The following FGF12 variants were observed in gnomAD, a reference collection of about 807,000 sequenced individuals.
FGF12 encodes the protein fibroblast growth factor 12B.
Under a neutral mutation model 23.6 loss-of-function variants are expected in FGF12, and 14 were observed. The ratio of observed to expected loss-of-function variants is 0.59; its 90% CI spans 0.39 to 0.93. FGF12 has a LOEUF of 0.93. Ranked by LOEUF, FGF12 falls within the 40% of genes least tolerant of loss-of-function variation. The probability of loss-of-function intolerance (pLI) is 0.00; values close to 1 mark genes in which losing one functional copy is unlikely to be tolerated. For synonymous variants in FGF12, 62 were observed against 77.3 expected (o/e 0.80, Z 1.04); for missense variants, 175 against 217.8 (o/e 0.80, Z 1.24).
chr3:192,450,459 C>G (rs1213531413), intron 2 of FGF12, among the ~76,000 whole-genome samples: 1 of 152,148 alleles, frequency 6.6e-6, no homozygotes, highest in Non-Finnish European at 1.5e-5. Context: ...TAGAACCGAA[C>G]ATAGGATACC....
At chr3:192,555,798 C>CG (rs1258979519) in intron 2 of FGF12, among the ~76,000 whole-genome samples, 5 of 148,628 alleles carry the variant, frequency 3.4e-5, no homozygotes, top group South Asian at 2.1e-4. Context: ...AACTCCATCT[C>CG]GGGGAAAAAA....
chr3:192,356,085 C>A (rs1718459993), intron 3 of FGF12, among the ~76,000 whole-genome samples: 1 of 152,126 alleles, frequency 6.6e-6, no homozygotes, highest in African/African-American at 2.4e-5. Context: ...ACATACTTAT[C>A]TTACCTATTC....
intron 2 of FGF12, among the ~76,000 whole-genome samples, chr3:192,630,049 G>C (rs1715324450): frequency 6.6e-6 from 1 of 152,108 alleles, no homozygotes; most frequent in Non-Finnish European, 1.5e-5. Flanking sequence ...TCTTATGAAT[G>C]GTTTCACACC....
intron 5 of FGF12, among the ~76,000 whole-genome samples, chr3:192,156,365 GACC>G (rs1714418912): frequency 6.6e-6 from 1 of 152,138 alleles, no homozygotes; most frequent in Non-Finnish European, 1.5e-5. Context: ...TCTCACTCAG[GACC>G]TTGGGGCAAC....
chr3:192,376,373 T>C (rs943128282), intron 2 of FGF12, among the ~76,000 whole-genome samples: 3 of 152,002 alleles, frequency 2.0e-5, no homozygotes, highest in South Asian at 4.1e-4. Context: ...TTTATTTTTA[T>C]TTTTTTGAGA....
At position 192,404,769 on chromosome 3, in the gene FGF12, T is replaced by C. The variant is rs79656778; in HGVS notation, c.14-44231A>G. 1.8e-3 allele frequency among the ~76,000 whole-genome samples: 271 copies of C among 152,288 alleles called. 1 individual carries two copies. The highest frequency in any genetic ancestry group is 6.3e-3 in the African/African-American group (260 of 41,560). On this transcript the variant is annotated intron_variant, in intron 2 of 5. Coordinates refer to ENST00000445105, the MANE Select transcript of FGF12 (RefSeq NM_004113.6). Reference sequence around the variant, plus strand: ...TCAAAGATCTACAGTCCACACAGTGTCTAAGGGGCCCATTAACCCTAGCTG... The same window carrying C: ...TCAAAGATCTACAGTCCACACAGTGCCTAAGGGGCCCATTAACCCTAGCTG...
chr3:192,469,893 A>G (rs1355320305), intron 2 of FGF12, among the ~76,000 whole-genome samples: 1 of 152,234 alleles, frequency 6.6e-6, no homozygotes, highest in Non-Finnish European at 1.5e-5. Context: ...TTTAAAACAC[A>G]CGCCTACATA....
Position 192,330,516 on chromosome 3 carries a change from A to G in FGF12, c.228+4845T>C, listed in dbSNP as rs565510820. Reference sequence around the variant, plus strand: ...GGTGTTGGAAAAACTGTATATCCACATGCAAAAGAATGAAACTGGACCCTT... The same window carrying G: ...GGTGTTGGAAAAACTGTATATCCACGTGCAAAAGAATGAAACTGGACCCTT... On this transcript the variant is annotated intron_variant, in intron 4 of 5. Coordinates refer to ENST00000445105, the MANE Select transcript of FGF12 (RefSeq NM_004113.6). Among the ~76,000 whole-genome samples, 5 of 152,292 alleles carry G rather than the reference A, an allele frequency of 3.3e-5. No individual in the cohort carries two copies. The East Asian group carries it at 9.7e-4, about 29-fold the overall frequency.
At chr3:192,626,378 C>G (rs1411147132) in intron 2 of FGF12, among the ~76,000 whole-genome samples, 3 of 152,116 alleles carry the variant, frequency 2.0e-5, no homozygotes, top group Non-Finnish European at 2.9e-5. Context: ...AGTATACACC[C>G]TATATTTGGG....
intron 2 of FGF12, among the ~76,000 whole-genome samples, chr3:192,682,440 G>T (rs1264003670): frequency 6.6e-6 from 1 of 152,138 alleles, no homozygotes; most frequent in Non-Finnish European, 1.5e-5. Context: ...TAACTAGCTT[G>T]GGAGATTCTC....
intron 4 of FGF12, among the ~76,000 whole-genome samples, chr3:192,266,530 C>T (rs1713088323): frequency 6.6e-6 from 1 of 151,974 alleles, no homozygotes; most frequent in South Asian, 2.1e-4. Context: ...TAATTTATAT[C>T]TTGCTATATT....
intron 4 of FGF12, among the ~76,000 whole-genome samples, chr3:192,298,352 G>A (rs1163290377): frequency 1.3e-5 from 2 of 152,204 alleles, no homozygotes; most frequent in Admixed American, 6.5e-5. Context: ...GAACAGGAAG[G>A]TCGGAGAACA....
intron 2 of FGF12, among the ~76,000 whole-genome samples, chr3:192,420,946 G>C (rs1001183958): frequency 6.6e-6 from 1 of 151,890 alleles, no homozygotes; most frequent in African/African-American, 2.4e-5. Context: ...ACCAATTGGA[G>C]AAAACTGACT....
chr3:192,596,880 T>C (rs1408098146), intron 2 of FGF12, among the ~76,000 whole-genome samples: 2 of 152,178 alleles, frequency 1.3e-5, no homozygotes, highest in African/African-American at 4.8e-5. Context: ...CTAAACTTTC[T>C]GGAATTTAAA....
chr3:192,439,801 C>A (rs1199651510), intron 2 of FGF12, among the ~76,000 whole-genome samples: 1 of 151,676 alleles, frequency 6.6e-6, no homozygotes, highest in Non-Finnish European at 1.5e-5. Flanking sequence ...ATGGTGAAAC[C>A]CCGTCTCTAC....
intron 4 of FGF12, among the ~76,000 whole-genome samples, chr3:192,264,846 C>T (rs570440898): frequency 6.6e-5 from 10 of 152,172 alleles, no homozygotes; most frequent in African/African-American, 7.2e-5. Flanking sequence ...AACCTTAAAA[C>T]GTCTCTGGGA....
chr3:192,700,335 A>G (rs1445915719), intron 2 of FGF12, among the ~76,000 whole-genome samples: 1 of 152,234 alleles, frequency 6.6e-6, no homozygotes, highest in Admixed American at 6.5e-5. Context: ...AATTGTAGCC[A>G]CAGTTATTGA....
chr3:192,260,956 G>A, intron 4 of FGF12, among the ~76,000 whole-genome samples: 1 of 152,068 alleles, frequency 6.6e-6, no homozygotes, highest in East Asian at 1.9e-4. Context: ...AGGATGTATA[G>A]GGTTTTATCT....
intron 5 of FGF12, among the ~76,000 whole-genome samples, chr3:192,154,601 G>A (rs1283493162): frequency 3.3e-5 from 5 of 151,440 alleles, no homozygotes; most frequent in Non-Finnish European, 7.4e-5. Context: ...CCCCTGCTGG[G>A]CGGTGCCTCC....
Sources: allele counts gnomAD v4.1 joint callset (sites outside exome capture counted in the v4.1 genomes callset), GRCh38; gene constraint gnomAD v4.1.1; transcripts MANE v1.5; gene names NCBI Gene and HGNC (gene_info 2026-07-23, HGNC 2026-07-21).